Variants in CEP63 observed in about 807,000 individuals in gnomAD.
CEP63 encodes the protein centrosomal protein of 63 kDa.
CEP63 carries 84 observed loss-of-function variants against 89.1 expected under a neutral mutation model. The observed-to-expected ratio is 0.94, with a 90% CI of 0.79 to 1.13. The LOEUF is 1.13. CEP63 is among the 50% of genes most tolerant of loss of function. The pLI, the probability that CEP63 is intolerant of heterozygous loss-of-function variation, is 0.00. For missense variants in CEP63, 838 were observed against 813.3 expected (o/e 1.03, Z -0.37); for synonymous variants, 267 against 272.5 (o/e 0.98, Z 0.20).
the CEP63 span, chr3:134,651,024 G>A: frequency 1.2e-6 from 2 of 1,604,876 alleles, no homozygotes; most frequent in African/African-American, 2.7e-5. Flanking sequence ...GCTGCAAATG[G>A]CCCCGTGCGC....
At chr3:134,765,324 G>A in the CEP63 span, among the ~76,000 whole-genome samples, 1 of 152,326 alleles carries the variant, frequency 6.6e-6, no homozygotes, top group South Asian at 2.1e-4. Context: ...AGGCCTTGGG[G>A]ATGAGGTGGT....
intron 6 of CEP63, among the ~76,000 whole-genome samples, chr3:134,538,529 GTGTGTATATATATATATATATATA>G (rs1206240208): frequency 3.0e-4 from 3 of 9,996 alleles, no homozygotes; most frequent in Non-Finnish European, 5.3e-4. Context: ...AATTGTGTGT[GTGTGTATATATATATATATATATA>G]TGTATATATA....
chr3:134,737,420 A>G, the CEP63 span, among the ~76,000 whole-genome samples: 2 of 152,356 alleles, frequency 1.3e-5, no homozygotes, highest in East Asian at 3.9e-4. Context: ...CAGATTATAT[A>G]AATAACCTCT....
At chr3:134,554,134 C>T (rs1036066318) in intron 12 of CEP63, among the ~76,000 whole-genome samples, 2 of 151,970 alleles carry the variant, frequency 1.3e-5, no homozygotes, top group Non-Finnish European at 2.9e-5. Flanking sequence ...GCACATTGTG[C>T]AGGTTAGTTA....
chr3:134,605,616 C>G, the CEP63 span, among the ~76,000 whole-genome samples: 5 of 152,142 alleles, frequency 3.3e-5, no homozygotes, highest in Admixed American at 2.6e-4. Flanking sequence ...CAAAAGCTGT[C>G]CCAACCCTGT....
chr3:134,604,669 G>A, the CEP63 span, among the ~76,000 whole-genome samples: 1 of 152,190 alleles, frequency 6.6e-6, no homozygotes, highest in Non-Finnish European at 1.5e-5. Context: ...ATCAGCCAGC[G>A]GCAGCACACC....
At chr3:134,566,919 T>C (rs142290142), downstream of CEP63, among the ~76,000 whole-genome samples, 31 of 152,284 alleles carry the variant, frequency 2.0e-4, no homozygotes, top group Non-Finnish European at 2.2e-4. Context: ...ATCCTAAATA[T>C]ATGCTCAAGA....
downstream of CEP63, among the ~76,000 whole-genome samples, chr3:134,567,021 C>A (rs1957795380): frequency 6.6e-6 from 1 of 152,090 alleles, no homozygotes; most frequent in African/African-American, 2.4e-5. Flanking sequence ...ACCTAAATAT[C>A]CATCATTGAT....
chr3:134,557,410 A>G (rs890320701), intron 12 of CEP63, among the ~76,000 whole-genome samples: 3 of 95,836 alleles, frequency 3.1e-5, no homozygotes, highest in African/African-American at 1.6e-4. Context: ...TTTTTACAGA[A>G]AAGACCAAGC....
chr3:134,668,887 A>T, the CEP63 span, among the ~76,000 whole-genome samples: 1 of 151,874 alleles, frequency 6.6e-6, no homozygotes, highest in African/African-American at 2.4e-5. Flanking sequence ...TTCACTCCCA[A>T]CCCCAACCCT....
chr3:134,671,002 T>C, the CEP63 span, among the ~76,000 whole-genome samples: 1 of 152,134 alleles, frequency 6.6e-6, no homozygotes, highest in Non-Finnish European at 1.5e-5. Context: ...ACATTTGTGG[T>C]AAAAGTCTAA....
chr3:134,692,936 C>T, the CEP63 span, among the ~76,000 whole-genome samples: 2 of 152,180 alleles, frequency 1.3e-5, no homozygotes, highest in Non-Finnish European at 2.9e-5. Flanking sequence ...CTCTTTCTTC[C>T]TTCTCTTTCT....
At chr3:134,627,684 A>G in the CEP63 span, 4 of 1,391,200 alleles carry the variant, frequency 2.9e-6, no homozygotes, top group Non-Finnish European at 4.1e-6. Flanking sequence ...GCAACTGTCA[A>G]TTGGAGATTA....
In CEP63 at chr3:134,561,691, T is replaced by C. The variant is rs1206552072; in HGVS notation, c.*156T>C. ...AAAGCTGAAAAACTGATACTTTTGATAGGCATTTTCTCTGCACTGGTTTGT... is the reference window on the plus strand; with the variant it reads ...AAAGCTGAAAAACTGATACTTTTGACAGGCATTTTCTCTGCACTGGTTTGT... On this transcript the variant is annotated 3_prime_UTR_variant, in exon 15 of 15. Transcript: ENST00000675561. 16 of 1,455,652 alleles carry C rather than the reference T, an allele frequency of 1.1e-5. No individual in the cohort carries two copies. The highest frequency in any genetic ancestry group is 1.4e-5 in the Non-Finnish European group (16 of 1,110,302). The allele number at this position is 1,455,652 out of a possible 1,614,324, so 90.2% of individuals were successfully genotyped here.
intron 6 of CEP63, among the ~76,000 whole-genome samples, 163 bp from the exon 7 acceptor site, chr3:134,545,423 C>T (rs1245899679): frequency 6.6e-6 from 1 of 151,126 alleles, no homozygotes; most frequent in East Asian, 1.9e-4. Flanking sequence ...AGCCACCACT[C>T]CCAGCCTCTC....
At chr3:134,587,998 A>G (rs1328270400), downstream of CEP63, among the ~76,000 whole-genome samples, 7 of 152,214 alleles carry the variant, frequency 4.6e-5, no homozygotes, top group Non-Finnish European at 8.8e-5. Flanking sequence ...TTCAAATACA[A>G]GTAAAACTAA....
chr3:134,534,070 AC>A (rs1465411301), intron 5 of CEP63, among the ~76,000 whole-genome samples: 1 of 151,968 alleles, frequency 6.6e-6, no homozygotes, highest in Non-Finnish European at 1.5e-5. Flanking sequence ...TTTTCATGTT[AC>A]CAGCCTATAC....
intron 2 of CEP63, 29 bp from the exon 3 acceptor site, chr3:134,507,080 T>C: frequency 6.3e-7 from 1 of 1,597,994 alleles, no homozygotes; most frequent in Non-Finnish European, 8.6e-7. Flanking sequence ...ATATCTTCTG[T>C]TTTTTTAATG....
the CEP63 span, chr3:134,604,326 C>T: frequency 6.2e-7 from 1 of 1,614,020 alleles, no homozygotes; most frequent in Non-Finnish European, 8.5e-7. Flanking sequence ...AGATCTGCAG[C>T]TTGTGAGTGC....
Sources: gnomAD v4.1 joint callset for allele counts (sites outside exome capture counted in the v4.1 genomes callset) on GRCh38, gnomAD v4.1.1 for gene constraint, MANE v1.5 for transcripts, NCBI Gene and HGNC (gene_info 2026-07-23, HGNC 2026-07-21) for gene names.